The following FOXP2 variants were observed in gnomAD, a reference collection of about 807,000 sequenced individuals.
FOXP2 encodes forkhead box protein P2.
FOXP2 carries 12 observed loss-of-function variants against 115.8 expected under a neutral mutation model. That is an observed-to-expected ratio of 0.10 (90% CI 0.07 to 0.17). The LOEUF is 0.17. Among genes scored for constraint, FOXP2 ranks in the 10% least tolerant of loss-of-function variants. The pLI is 1.00. For synonymous variants in FOXP2, 328 were observed against 297.7 expected (o/e 1.10, Z -1.05); for missense variants, 629 against 843.5 (o/e 0.75, Z 3.15).
intron 1 of FOXP2, among the ~76,000 whole-genome samples, chr7:114,189,809 G>C (rs1793709929): frequency 1.3e-5 from 2 of 152,218 alleles, no homozygotes; most frequent in South Asian, 4.2e-4. Context: ...GTTCCAGTAA[G>C]AATTCATGAT....
intron 3 of FOXP2, among the ~76,000 whole-genome samples, chr7:114,622,048 T>G (rs992477389): frequency 1.3e-5 from 2 of 152,014 alleles, no homozygotes; most frequent in African/African-American, 4.8e-5. Context: ...GTAGACTCTG[T>G]TTCATACATT....
chr7:114,245,129 A>G (rs191612331), intron 1 of FOXP2, among the ~76,000 whole-genome samples: 13 of 152,186 alleles, frequency 8.5e-5, no homozygotes, highest in African/African-American at 3.1e-4. Context: ...TTACTTTTTC[A>G]TTATGGATTA....
intron 3 of FOXP2, among the ~76,000 whole-genome samples, chr7:114,577,096 T>G (rs1801613672): frequency 6.6e-6 from 1 of 151,990 alleles, no homozygotes; most frequent in Admixed American, 6.6e-5. Flanking sequence ...GTGAATTGTT[T>G]GTTATGCATA....
intron 2 of FOXP2, chr7:114,498,933 T>C: frequency 1.4e-6 from 1 of 718,040 alleles, no homozygotes; most frequent in Non-Finnish European, 2.6e-6. Flanking sequence ...TTTGGATCTA[T>C]ACTTAACTGA....
intron 13 of FOXP2, 95 bp downstream of exon 13, chr7:114,659,768 C>A: frequency 1.1e-6 from 1 of 936,170 alleles, no homozygotes; most frequent in South Asian, 1.3e-5. Flanking sequence ...AGATTAGTAT[C>A]TGCTTCCCCT....
intron 2 of FOXP2, among the ~76,000 whole-genome samples, chr7:114,471,721 G>T (rs749484461): frequency 2.6e-5 from 4 of 151,602 alleles, no homozygotes; most frequent in African/African-American, 9.7e-5. Context: ...AGGCCGAGGC[G>T]GGCGGATCAC....
At chr7:114,673,076 C>T (rs1236875829) in intron 16 of FOXP2, among the ~76,000 whole-genome samples, 1 of 152,180 alleles carries the variant, frequency 6.6e-6, no homozygotes, top group African/African-American at 2.4e-5. Flanking sequence ...TTGACCGAAA[C>T]TTGGTCCAAC....
At chr7:114,133,882 C>T (rs193282016) in intron 1 of FOXP2, among the ~76,000 whole-genome samples, 5 of 152,272 alleles carry the variant, frequency 3.3e-5, no homozygotes, top group Admixed American at 2.6e-4. Flanking sequence ...CATGAAAGAC[C>T]TTGCCAGGAG....
intron 2 of FOXP2, among the ~76,000 whole-genome samples, chr7:114,470,354 C>T (rs1453403762): frequency 6.6e-6 from 1 of 152,146 alleles, no homozygotes; most frequent in East Asian, 1.9e-4. Context: ...TCCATTTTAA[C>T]TAAAACATCC....
chr7:114,606,251 T>A (rs1479821571), intron 3 of FOXP2, among the ~76,000 whole-genome samples: 1 of 152,048 alleles, frequency 6.6e-6, no homozygotes, highest in Non-Finnish European at 1.5e-5. Flanking sequence ...AAGCACTGAG[T>A]TTCAGGGATG....
At chr7:114,514,086 TACACACACACACACAC>T (rs141664873) in intron 2 of FOXP2, among the ~76,000 whole-genome samples, 1 of 148,426 alleles carries the variant, frequency 6.7e-6, no homozygotes, top group Non-Finnish European at 1.5e-5. Flanking sequence ...TTGTATCTTA[TACACACACACACACAC>T]ACACACACAC....
chr7:114,149,084 T>C (rs1457729573), intron 1 of FOXP2, among the ~76,000 whole-genome samples: 1 of 152,148 alleles, frequency 6.6e-6, no homozygotes, highest in Non-Finnish European at 1.5e-5. Context: ...TTTTGAATGA[T>C]TAAGCACTGG....
chr7:114,555,270 G>A (rs1274638954), intron 3 of FOXP2, among the ~76,000 whole-genome samples: 1 of 152,150 alleles, frequency 6.6e-6, no homozygotes, highest in African/African-American at 2.4e-5. Context: ...CAAGTAGCTG[G>A]TAGTTTGAGC....
At chr7:114,288,420 C>T (rs1411390610) in intron 2 of FOXP2, among the ~76,000 whole-genome samples, 3 of 151,752 alleles carry the variant, frequency 2.0e-5, no homozygotes, top group Non-Finnish European at 4.4e-5. Flanking sequence ...GCAAGGAAAG[C>T]ACTTGGAGAA....
intron 3 of FOXP2, among the ~76,000 whole-genome samples, chr7:114,592,950 G>A (rs1308918137): frequency 6.6e-6 from 1 of 151,846 alleles, no homozygotes; most frequent in East Asian, 1.9e-4. Context: ...ACTATTCTTT[G>A]TTTATATTGT....
intron 1 of FOXP2, among the ~76,000 whole-genome samples, chr7:114,279,456 C>T (rs2690821): frequency 0.56 from 85,341 of 151,894 alleles, 26,731 homozygotes; most frequent in Admixed American, 0.74. Flanking sequence ...CTATTTTTCA[C>T]ATACTTGAAA....
chr7:114,263,397 C>T (rs1242419329), intron 1 of FOXP2, among the ~76,000 whole-genome samples: 2 of 146,554 alleles, frequency 1.4e-5, no homozygotes, highest in African/African-American at 5.1e-5. Flanking sequence ...TCTTCCTTTT[C>T]CTTTTCCTTT....
intron 2 of FOXP2, among the ~76,000 whole-genome samples, chr7:114,344,306 A>T (rs547766709): frequency 6.6e-6 from 1 of 151,764 alleles, no homozygotes; most frequent in Admixed American, 6.6e-5. Context: ...TACCCACTTT[A>T]AAAACTTTAA....
At chr7:114,613,280 C>G (rs753155412) in intron 3 of FOXP2, among the ~76,000 whole-genome samples, 1 of 152,002 alleles carries the variant, frequency 6.6e-6, no homozygotes, top group Admixed American at 6.5e-5. Flanking sequence ...TAGAGACAAC[C>G]AATATTATCA....
Sources: allele counts gnomAD v4.1 joint callset (sites outside exome capture counted in the v4.1 genomes callset), GRCh38; gene constraint gnomAD v4.1.1; transcripts MANE v1.5; gene names NCBI Gene and HGNC (gene_info 2026-07-23, HGNC 2026-07-21).